Variants in CRTAM observed in about 807,000 individuals in gnomAD.
The protein encoded by CRTAM is cytotoxic and regulatory T cell molecule.
Under a neutral mutation model 50.0 loss-of-function variants are expected in CRTAM, and 44 were observed. That is an observed-to-expected ratio of 0.88 (90% confidence interval 0.69 to 1.13). CRTAM has a LOEUF of 1.13. Among genes scored for constraint, CRTAM ranks in the 50% most tolerant of loss-of-function variants. CRTAM has a pLI of 0.00. For missense variants in CRTAM, 448 were observed against 457.5 expected (o/e 0.98, Z 0.19); for synonymous variants, 159 against 169.3 (o/e 0.94, Z 0.47).
intron 7 of CRTAM, 92 bp downstream of exon 7, chr11:122,864,811 T>A: frequency 1.1e-6 from 1 of 905,780 alleles, no homozygotes; most frequent in Non-Finnish European, 1.8e-6. Flanking sequence ...CTCCCTTTTC[T>A]TGACCTTTCT....
intron 5 of CRTAM, among the ~76,000 whole-genome samples, chr11:122,857,997 A>C (rs553420303): frequency 5.9e-5 from 9 of 152,078 alleles, no homozygotes; most frequent in African/African-American, 1.7e-4. Flanking sequence ...TGCAGCCTCA[A>C]TCTTCCAGGT....
intron 1 of CRTAM, 83 bp downstream of exon 1, chr11:122,838,675 T>C: frequency 7.6e-7 from 1 of 1,308,764 alleles, no homozygotes; most frequent in Non-Finnish European, 1.1e-6. Context: ...CAACTGCATT[T>C]ACAGAGGAGC....
chr11:122,868,480 C>T (rs1335164857), intron 9 of CRTAM, among the ~76,000 whole-genome samples: 1 of 152,098 alleles, frequency 6.6e-6, no homozygotes, highest in Non-Finnish European at 1.5e-5. Flanking sequence ...CAGATCAACA[C>T]ATTTGCCTTC....
At chr11:122,852,047 T>C (rs1346854363) in intron 3 of CRTAM, among the ~76,000 whole-genome samples, 1 of 152,152 alleles carries the variant, frequency 6.6e-6, no homozygotes, top group East Asian at 1.9e-4. Flanking sequence ...CTTGTGAAAT[T>C]TGTCTTTGAC....
intron 9 of CRTAM, 76 bp from the exon 10 acceptor site, chr11:122,871,193 C>A: frequency 7.6e-7 from 1 of 1,322,872 alleles, no homozygotes. Context: ...ATATGATATC[C>A]AATCAAAGTG....
intron 5 of CRTAM, among the ~76,000 whole-genome samples, chr11:122,860,275 C>A (rs1163820569): frequency 6.6e-6 from 1 of 152,128 alleles, no homozygotes; most frequent in African/African-American, 2.4e-5. Context: ...GTCTTGAACT[C>A]CCGGCCTCAG....
At chr11:122,855,964 C>A in intron 5 of CRTAM, 108 bp downstream of exon 5, 2 of 884,634 alleles carry the variant, frequency 2.3e-6, no homozygotes, top group Non-Finnish European at 3.4e-6. Flanking sequence ...AAGATTACTG[C>A]CAACAAAGCT....
chr11:122,857,135 A>G (rs1406898719), intron 5 of CRTAM, among the ~76,000 whole-genome samples: 1 of 152,230 alleles, frequency 6.6e-6, no homozygotes, highest in Non-Finnish European at 1.5e-5. Flanking sequence ...TTACGGCTAT[A>G]GCTCTGTATG....
intron 4 of CRTAM, among the ~76,000 whole-genome samples, chr11:122,854,661 CAAA>C (rs35830458): frequency 1.6e-5 from 2 of 127,768 alleles, no homozygotes; most frequent in Non-Finnish European, 1.7e-5. Flanking sequence ...AAAATTCTAT[CAAA>C]AAAAAAAAAA....
chr11:122,870,255 A>G (rs1862236807), intron 9 of CRTAM, among the ~76,000 whole-genome samples: 1 of 151,658 alleles, frequency 6.6e-6, no homozygotes, highest in South Asian at 2.1e-4. Context: ...TAATTTTTAT[A>G]TTTTTAGTAG....
In CRTAM at chr11:122,863,477, A is replaced by G. The variant is rs138963079; in HGVS notation, c.733+933A>G. On this transcript the variant is annotated intron_variant, in intron 6 of 9. Transcript: ENST00000227348. ...CTCTTTCCATTTCATGTAATGTGTC[A>G]ATAATAATTTCATTTGTTGGAATAA... 6.7e-3 allele frequency among the ~76,000 whole-genome samples: 1,017 copies of G among 152,306 alleles called. 17 individuals are homozygous for G. The highest frequency in any genetic ancestry group is 0.023 in the African/African-American group (965 of 41,580).
chr11:122,842,284 T>C (rs564407107), intron 1 of CRTAM, among the ~76,000 whole-genome samples: 1 of 152,292 alleles, frequency 6.6e-6, no homozygotes, highest in South Asian at 2.1e-4. Context: ...TTTGTTTGTT[T>C]GTTTGTTTGT....
intron 1 of CRTAM, among the ~76,000 whole-genome samples, chr11:122,842,808 G>A (rs184594144): frequency 1.5e-4 from 23 of 152,276 alleles, no homozygotes; most frequent in African/African-American, 5.3e-4. Flanking sequence ...GGTTGGTGAT[G>A]ACATTAATTT....
intron 9 of CRTAM, among the ~76,000 whole-genome samples, chr11:122,870,896 T>C (rs1322170702): frequency 1.3e-5 from 2 of 152,016 alleles, no homozygotes; most frequent in African/African-American, 4.8e-5. Flanking sequence ...CTAGGCAATA[T>C]AGTGAAACCC....
Position 122,867,498 on chromosome 11 carries a change from A to T in CRTAM, c.907A>T (p.Ile303Phe). The part of the protein sequence containing the change: ...LVSFLIFILF[I>F]IVQLFIMKLR... ...GTCCTTCCTCATTTTCATACTCTTC[A>T]TCATAGTCCAGCTCTTCATCATGAA... is the stretch of plus-strand genomic sequence containing the variant. The change falls in exon 8 of 10, where the codon ATC becomes TTC. Residue 303 changes from isoleucine (I) to phenylalanine (F), a missense_variant. Ile to Phe is a conservative substitution (Grantham distance 21). Transcript: ENST00000227348. 1.2e-6 allele frequency: 2 copies of T among 1,614,126 alleles called. No homozygotes were observed. Among genetic ancestry groups the T allele is most frequent in the Non-Finnish European group, 1.7e-6 (2 of 1,180,002 alleles).
At chr11:122,849,893 T>C (rs1861908161) in intron 1 of CRTAM, among the ~76,000 whole-genome samples, 175 bp from the exon 2 acceptor site, 2 of 152,312 alleles carry the variant, frequency 1.3e-5, no homozygotes, top group Non-Finnish European at 1.5e-5. Context: ...TCAAGAGATA[T>C]CATTACTGCT....
At chr11:122,862,019 G>GA (rs5795354) in intron 5 of CRTAM, among the ~76,000 whole-genome samples, 23,055 of 151,936 alleles carry the variant, frequency 0.15, 2,130 homozygotes, top group Middle Eastern at 0.26. Context: ...ACAGATAAGA[G>GA]AAAAAAAAGT....
At chr11:122,865,650 C>T (rs1286388331) in intron 7 of CRTAM, among the ~76,000 whole-genome samples, 1 of 152,072 alleles carries the variant, frequency 6.6e-6, no homozygotes, top group African/African-American at 2.4e-5. Flanking sequence ...AATTTCTTTC[C>T]ATTTTCTATG....
chr11:122,850,724 G>A (rs768356716), intron 2 of CRTAM, among the ~76,000 whole-genome samples: 56 of 152,170 alleles, frequency 3.7e-4, no homozygotes, highest in Non-Finnish European at 6.6e-4. Flanking sequence ...GAAATAGACA[G>A]GATGTATTAA....
Sources: gnomAD v4.1 joint callset for allele counts (sites outside exome capture counted in the v4.1 genomes callset) on GRCh38, gnomAD v4.1.1 for gene constraint, MANE v1.5 for transcripts, NCBI Gene and HGNC (gene_info 2026-07-23, HGNC 2026-07-21) for gene names.